LZTR1: variants seen among roughly 807,000 people sequenced by gnomAD.
The protein encoded by LZTR1 is leucine zipper like post translational regulator 1, also known as leucine-zipper-like transcriptional regulator 1.
In LZTR1, 260 loss-of-function variants were observed where a neutral mutation model predicts 105.7. That is an observed-to-expected ratio of 2.46 (90% CI 2.22 to 2.72). The LOEUF is 2.72. Among genes scored for constraint, LZTR1 ranks in the 30% most tolerant of loss-of-function variants. The pLI, the probability that LZTR1 is intolerant of heterozygous loss-of-function variation, is 0.00. For missense variants in LZTR1, 1,214 were observed against 1,166.9 expected, an observed-to-expected ratio of 1.04 and a Z score of -0.59; for synonymous variants, 490 against 476.4, an observed-to-expected ratio of 1.03 and a Z score of -0.37.
At chr22:20,982,918 G>T in intron 1 of LZTR1, 109 bp from the exon 2 acceptor site, 1 of 847,646 alleles carries the variant, frequency 1.2e-6, no homozygotes, top group Non-Finnish European at 2.0e-6. Context: ...GATCTTAGCA[G>T]TTGAGAGGTG....
intron 4 of LZTR1, 76 bp downstream of exon 4, chr22:20,987,659 G>A (rs557167996): frequency 1.5e-6 from 2 of 1,346,734 alleles, no homozygotes; most frequent in Non-Finnish European, 1.1e-6. Context: ...CAGGCCTGGG[G>A]CATTTGTGCT....
chr22:20,992,130 C>T, intron 9 of LZTR1, 84 bp from the exon 10 acceptor site: 3 of 1,398,254 alleles, frequency 2.1e-6, no homozygotes, highest in Non-Finnish European at 3.0e-6. Context: ...AGAACCCACT[C>T]TCAAGGCCAG....
intron 8 of LZTR1, 52 bp downstream of exon 8, chr22:20,990,577 CCTT>C (rs1924572882): frequency 6.5e-7 from 1 of 1,546,878 alleles, no homozygotes; most frequent in Non-Finnish European, 8.8e-7. Flanking sequence ...TCCCTCGAAT[CCTT>C]CTGAATATGA....
intron 5 of LZTR1, 151 bp downstream of exon 5, chr22:20,988,269 T>G: frequency 1.6e-6 from 1 of 617,660 alleles, no homozygotes. Context: ...GGTGCAGCTA[T>G]GCATGGCCTG....
intron 7 of LZTR1, among the ~76,000 whole-genome samples, chr22:20,990,059 TC>T (rs1924547397): frequency 6.6e-6 from 1 of 152,080 alleles, no homozygotes; most frequent in African/African-American, 2.4e-5. Flanking sequence ...TCCCTGGAGC[TC>T]CCCCTGGGCT....
At chr22:20,992,696 G>A in intron 10 of LZTR1, 98 bp from the exon 11 acceptor site, 2 of 805,356 alleles carry the variant, frequency 2.5e-6, no homozygotes, top group South Asian at 1.6e-5. Context: ...GGCCCTTCAT[G>A]GCCATGAGGT....
intron 18 of LZTR1, 174 bp downstream of exon 18, chr22:20,996,286 C>A: frequency 1.4e-6 from 1 of 707,496 alleles, no homozygotes; most frequent in African/African-American, 1.8e-5. Context: ...AAGCAGTTGG[C>A]AGCTGGCAAG....
At position 20,993,911 on chromosome 22, in the gene LZTR1, ATTC is replaced by A; in HGVS notation, c.1354-10_1354-8del. 6.2e-7 allele frequency: 1 copy of A among 1,609,944 alleles called. No individual in the cohort carries two copies. Among genetic ancestry groups the A allele is most frequent in the East Asian group, 2.2e-5 (1 of 44,808 alleles). On this transcript the variant is annotated splice_polypyrimidine_tract_variant and intron_variant, in intron 12 of 20. Transcript: ENST00000646124. Reference sequence around the variant, plus strand: ...GTCCTGTGCCCTCTGCCAGTGCATCATTCTTTGTGCAGAAGGAGGAGTGCGTGC... The same window carrying A: ...GTCCTGTGCCCTCTGCCAGTGCATCATTTGTGCAGAAGGAGGAGTGCGTGC...
chr22:20,997,254 G>A lies in LZTR1; in HGVS notation c.2429G>A (p.Arg810Gln), dbSNP rs200195452. ...CAGGTCTCCAAGTTGCCCACCCTGC[G>A]GTCGCTGAGCCAGCAGCTGCTGCTG... is the stretch of plus-strand genomic sequence containing the variant. Reference protein sequence around the residue: ...FTKVSKLPTLRSLSQQLLLDI... With the variant: ...FTKVSKLPTLQSLSQQLLLDI... Residue 810 changes from arginine (R) to glutamine (Q), a missense_variant, in exon 21 of 21, where the codon CGG (arginine) becomes CAG (glutamine). Physicochemically the swap from Arg to Gln is conservative, Grantham distance 43. Transcript: ENST00000646124. 1.3e-5 allele frequency: 21 copies of A among 1,613,606 alleles called. No individual in the cohort carries two copies. The highest frequency in any genetic ancestry group is 6.7e-5 in the African/African-American group (5 of 74,896).
chr22:20,996,593 C>A (rs1308003591), intron 18 of LZTR1, 103 bp from the exon 19 acceptor site: 3 of 859,070 alleles, frequency 3.5e-6, no homozygotes, highest in African/African-American at 3.4e-5. Flanking sequence ...GGAGAGCATG[C>A]TGGCGTGGGG....
Position 20,994,291 on chromosome 22 carries a change from G to A in LZTR1, c.1615+22G>A, listed in dbSNP as rs375796494. 1.2e-3 allele frequency: 1,862 copies of A among 1,595,070 alleles called. 3 individuals carry two copies. The highest frequency in any genetic ancestry group is 1.4e-3 in the Non-Finnish European group (1,689 of 1,177,658). On this transcript the variant is annotated intron_variant, in intron 14 of 20. Coordinates refer to ENST00000646124, the MANE Select transcript of LZTR1 (RefSeq NM_006767.4). ...AAAGGTCCGCCTGGGTGGGGGTGGA[G>A]CAGGGTTGGTGTGGGCTGGGGTGCG...
Position 20,994,285 on chromosome 22 carries a change from G to A in LZTR1, c.1615+16G>A, listed in dbSNP as rs1348918254. ...CCACGGAAAGGTCCGCCTGGGTGGG[G>A]GTGGAGCAGGGTTGGTGTGGGCTGG... On this transcript the variant is annotated intron_variant, in intron 14 of 20. Transcript: ENST00000646124. The A allele has an allele frequency of 1.1e-5, 18 of 1,595,638 alleles. No homozygotes were observed. Among genetic ancestry groups the A allele is most frequent in the Non-Finnish European group, 1.5e-5 (18 of 1,178,006 alleles).
rs1486960809 is a variant in LZTR1, at chr22:20,987,529, G to GC, written c.352dup (p.Arg118ProfsTer28). On this transcript the variant is annotated frameshift_variant, in exon 4 of 21. Transcript: ENST00000646124. LOFTEE classifies it high-confidence loss of function. ...GGCCTTTACCACTGGGACCCCACCG[G>GC]CCCCCCGTTACCACCACTCGGCCGT... is the stretch of plus-strand genomic sequence containing the variant. The GC allele has an allele frequency of 8.1e-6, 13 of 1,613,808 alleles. No homozygotes were observed. Among genetic ancestry groups the GC allele is most frequent in the East Asian group, 2.2e-5 (1 of 44,888 alleles).
Position 20,996,070 on chromosome 22 carries a change from A to C in LZTR1, c.2177A>C (p.Tyr726Ser). 6.2e-7 allele frequency: 1 copy of C among 1,613,320 alleles called. No homozygotes were observed. Among genetic ancestry groups the C allele is most frequent in the Non-Finnish European group, 8.5e-7 (1 of 1,179,992 alleles). Reference sequence around the variant, plus strand: ...CAGGCCTTCGAGTCCATGCTGCGCTACATCTACTACGGCGAGGTCAACATG... The same window carrying C: ...CAGGCCTTCGAGTCCATGCTGCGCTCCATCTACTACGGCGAGGTCAACATG... ...SRQAFESMLR[Y>S]IYYGEVNMPP... Residue 726 changes from tyrosine (Y) to serine (S), a missense_variant, in exon 18 of 21, where the codon TAC becomes TCC. Physicochemically the swap from Tyr to Ser is moderately radical, Grantham distance 144. Transcript: ENST00000646124.
At position 20,996,739 on chromosome 22, in the gene LZTR1, C is replaced by T. The variant is rs141161152; in HGVS notation, c.2263C>T (p.Arg755Trp). The change falls in exon 19 of 21, where the codon CGG becomes TGG. Residue 755 changes from arginine (R) to tryptophan (W), a missense_variant. Transcript: ENST00000646124. ...APYYYGFYNN[R>W]LQAYCKQNLE... is the part of the protein sequence containing the mutation. The stretch of plus-strand genomic sequence containing the variant: ...CTACTACTACGGCTTCTACAACAAC[C>T]GGCTGCAGGCGTACTGCAAGCAGAA... 9.9e-6 allele frequency: 16 copies of T among 1,613,380 alleles called. No homozygotes were observed. Among genetic ancestry groups the T allele is most frequent in the East Asian group, 4.5e-5 (2 of 44,864 alleles).
Position 20,998,737 on chromosome 22 carries a change from T to A in LZTR1, c.*1389T>A, listed in dbSNP as rs1355705336. On this transcript the variant is annotated 3_prime_UTR_variant, in exon 21 of 21. Transcript: ENST00000646124. ...TGAGGACACAGCAGGCCCAGGACCATGGCTGGGGAGGATATGTCAGCACCT... is the reference window on the plus strand; with the variant it reads ...TGAGGACACAGCAGGCCCAGGACCAAGGCTGGGGAGGATATGTCAGCACCT... 1 of 152,358 alleles carries A rather than the reference T, an allele frequency of 6.6e-6. No homozygotes were observed. Among genetic ancestry groups the A allele is most frequent in the Non-Finnish European group, 1.5e-5 (1 of 68,156 alleles). 9.4% of individuals were successfully genotyped at this position (152,358 alleles called of 1,614,324 possible). A position where few individuals can be genotyped will look rare whatever the true frequency, so the allele number is the denominator to read the frequency against.
intron 20 of LZTR1, 50 bp downstream of exon 20, chr22:20,997,016 C>T: frequency 6.3e-7 from 1 of 1,583,266 alleles, no homozygotes; most frequent in South Asian, 1.1e-5. Flanking sequence ...TGGCAGTGGC[C>T]ATGCCCAGGC....
At chr22:20,982,670 A>G (rs2147957032) in intron 1 of LZTR1, 99 bp downstream of exon 1, 1 of 1,203,402 alleles carries the variant, frequency 8.3e-7, no homozygotes, top group Non-Finnish European at 1.2e-6. Context: ...GTCCTGGGGT[A>G]GGATCTGGTA....
chr22:20,993,940 A>AG lies in LZTR1; in HGVS notation c.1373dup (p.His459ProfsTer210), dbSNP rs1924703709. 1.2e-6 allele frequency: 2 copies of AG among 1,612,398 alleles called. No individual in the cohort carries two copies. Among genetic ancestry groups the AG allele is most frequent in the Non-Finnish European group, 1.7e-6 (2 of 1,179,864 alleles). ...TTTGTGCAGAAGGAGGAGTGCGTGC[A>AG]GGGCCACGTAGCCATTGTCACAGCG... On this transcript the variant is annotated frameshift_variant, in exon 13 of 21. Transcript: ENST00000646124. LOFTEE classifies it high-confidence loss of function.
Sources: gnomAD v4.1 joint callset for allele counts (sites outside exome capture counted in the v4.1 genomes callset) on GRCh38, gnomAD v4.1.1 for gene constraint, MANE v1.5 for transcripts, NCBI Gene and HGNC (gene_info 2026-07-23, HGNC 2026-07-21) for gene names.